SULF2: variants seen among roughly 807,000 people sequenced by gnomAD.
The protein encoded by SULF2 is extracellular sulfatase Sulf-2.
In SULF2, 52 loss-of-function variants were observed where a neutral mutation model predicts 107.7. The ratio of observed to expected loss-of-function variants is 0.48; its 90% confidence interval spans 0.39 to 0.61. The LOEUF is 0.61. SULF2 is among the 20% of genes least tolerant of loss of function. SULF2 has a pLI of 0.00. For missense variants in SULF2, 993 were observed against 1,177.3 expected, an observed-to-expected ratio of 0.84 and a Z score of 2.29; for synonymous variants, 460 against 464.3, an observed-to-expected ratio of 0.99 and a Z score of 0.12.
intron 3 of SULF2, among the ~76,000 whole-genome samples, chr20:47,714,088 T>C (rs1209315239): frequency 1.3e-5 from 2 of 152,170 alleles, no homozygotes; most frequent in African/African-American, 2.4e-5. Context: ...CGGCGAAAGA[T>C]GAAGCAGAAG....
chr20:47,785,825 G>A (rs2090923208), upstream of SULF2: 3 of 151,474 alleles, frequency 2.0e-5, no homozygotes, highest in Non-Finnish European at 4.4e-5. Flanking sequence ...CCGCGCGCTA[G>A]CGCTTTTACC....
In SULF2 at chr20:47,736,786, T is replaced by A. The variant is rs767432105; in HGVS notation, c.332A>T (p.Glu111Val). ...CTGCCAGGAGGGCGAGGAGCAGTTC[T>A]CATTGTTGGTGTAGGTGTTGTGGTT... Reference protein sequence around the residue: ...VHNHNTYTNNENCSSPSWQAQ... With the variant: ...VHNHNTYTNNVNCSSPSWQAQ... Residue 111 changes from glutamate to valine, a missense_variant, in exon 3 of 21, where the codon GAG becomes GTG. Physicochemically the swap from Glu to Val is moderately radical, Grantham distance 121. Coordinates refer to ENST00000688720, the MANE Select transcript of SULF2 (RefSeq NM_001387048.1). The A allele has an allele frequency of 1.9e-6, 3 of 1,614,262 alleles. No individual in the cohort carries two copies. In the South Asian group the frequency reaches 3.3e-5, roughly 18 times the overall value.
chr20:47,662,979 T>C, intron 17 of SULF2, 91 bp downstream of exon 17: 1 of 1,460,654 alleles, frequency 6.8e-7, no homozygotes, highest in South Asian at 1.2e-5. Flanking sequence ...ACTTGGACAA[T>C]TTGTCATCAC....
Position 47,665,220 on chromosome 20 carries a change from T to A in SULF2, c.1976A>T (p.Glu659Val). 6.2e-7 allele frequency: 1 copy of A among 1,614,040 alleles called. No individual in the cohort carries two copies. The highest frequency in any genetic ancestry group is 8.5e-7 in the Non-Finnish European group (1 of 1,179,874). Residue 659 changes from glutamate (E) to valine (V), a missense_variant, in exon 14 of 21, where the codon GAA becomes GTA. Around this residue, in one of 3 missense-constraint regions of SULF2, gnomAD observed 497 missense variants for 544.1 expected, o/e 0.91. Transcript: ENST00000688720. ...RGHLKKKRPE[E>V]CDCHKISYHT... ...TCACCTGATTTTGTGACAGTCACAT[T>A]CTTCTGGCCGCTTTTTCTTCAGGTG...
chr20:47,745,817 A>T (rs2090022244), intron 2 of SULF2, among the ~76,000 whole-genome samples: 1 of 152,100 alleles, frequency 6.6e-6, no homozygotes, highest in Non-Finnish European at 1.5e-5. Context: ...GGAGTGAGCC[A>T]CTGTGCCCGG....
At chr20:47,672,803 C>T (rs926841173) in intron 10 of SULF2, among the ~76,000 whole-genome samples, 3 of 152,154 alleles carry the variant, frequency 2.0e-5, no homozygotes, top group Non-Finnish European at 4.4e-5. Context: ...GCAATCTGGC[C>T]CTGGCCTACC....
At chr20:47,681,413 A>G (rs1336065328) in intron 7 of SULF2, among the ~76,000 whole-genome samples, 1 of 152,146 alleles carries the variant, frequency 6.6e-6, no homozygotes, top group East Asian at 1.9e-4. Flanking sequence ...TTTGGGCCCT[A>G]TGAGTCAGAT....
intron 4 of SULF2, among the ~76,000 whole-genome samples, chr20:47,702,200 G>A (rs953201232): frequency 1.3e-5 from 2 of 152,118 alleles, no homozygotes; most frequent in African/African-American, 4.8e-5. Context: ...TGGGTCCACA[G>A]GCATGTGCCA....
intron 4 of SULF2, among the ~76,000 whole-genome samples, chr20:47,692,225 C>T (rs1376911324): frequency 6.6e-6 from 1 of 152,192 alleles, no homozygotes; most frequent in Non-Finnish European, 1.5e-5. Context: ...TCTACAGCTT[C>T]CACCCTGAAG....
chr20:47,660,201 T>G (rs1274270997), intron 18 of SULF2, among the ~76,000 whole-genome samples: 1 of 152,186 alleles, frequency 6.6e-6, no homozygotes, highest in Non-Finnish European at 1.5e-5. Context: ...AGGATAAGAT[T>G]CACCTCAAAG....
Position 47,785,445 on chromosome 20 carries a change from T to C in SULF2, c.-203A>G, listed in dbSNP as rs181363441. On this transcript the variant is annotated 5_prime_UTR_variant, in exon 1 of 21. Coordinates refer to ENST00000688720, the MANE Select transcript of SULF2 (RefSeq NM_001387048.1). ...GGCGCAGGGGACTCCGCGCCGCCGCTGCCGCTGCCGCCGCCGCCGCCGCCG... is the reference window on the plus strand; with the variant it reads ...GGCGCAGGGGACTCCGCGCCGCCGCCGCCGCTGCCGCCGCCGCCGCCGCCG... 0.11 allele frequency: 16,586 copies of C among 147,502 alleles called. 1,390 individuals are homozygous for C. The highest frequency in any genetic ancestry group is 0.5 in the East Asian group (2,580 of 5,138). The allele number at this position is 147,502 out of a possible 1,614,324, so 9.1% of individuals were successfully genotyped here.
chr20:47,738,410 C>T (rs922139148), intron 2 of SULF2, among the ~76,000 whole-genome samples: 6 of 152,168 alleles, frequency 3.9e-5, no homozygotes, highest in Non-Finnish European at 5.9e-5. Context: ...GTGGGTTGAA[C>T]GGTGCCCCCG....
intron 1 of SULF2, among the ~76,000 whole-genome samples, chr20:47,771,179 G>A (rs998393991): frequency 5.9e-5 from 9 of 152,156 alleles, no homozygotes; most frequent in South Asian, 2.1e-4. Context: ...GGGGCTGGGC[G>A]TTTGTGCTCA....
chr20:47,658,415 C>T (rs2086962252), intron 20 of SULF2, 23 bp from the exon 21 acceptor site: 1 of 1,613,556 alleles, frequency 6.2e-7, no homozygotes, highest in South Asian at 1.1e-5. Flanking sequence ...ACAAACTCAT[C>T]TTAGCACTTA....
Position 47,677,061 on chromosome 20 carries a change from C to T in SULF2, c.1250+17G>A, listed in dbSNP as rs2146471654. 3 of 1,613,442 alleles carry T rather than the reference C, an allele frequency of 1.9e-6. No individual in the cohort carries two copies. Among genetic ancestry groups the T allele is most frequent in the Middle Eastern group, 1.7e-4 (1 of 6,058 alleles). The stretch of plus-strand genomic sequence containing the variant: ...GGGAGGTGGGCAGGGGTGTCCCTCC[C>T]AGGACCCGGCACTCACCCTCTCTCC... On this transcript the variant is annotated intron_variant, in intron 9 of 20. Coordinates refer to ENST00000688720, the MANE Select transcript of SULF2 (RefSeq NM_001387048.1).
intron 2 of SULF2, among the ~76,000 whole-genome samples, chr20:47,753,407 C>G (rs1352830988): frequency 6.6e-6 from 1 of 152,200 alleles, no homozygotes; most frequent in Non-Finnish European, 1.5e-5. Flanking sequence ...CTGATGAGGC[C>G]AAGAAGAAAG....
chr20:47,772,486 C>T (rs913504308), intron 1 of SULF2, among the ~76,000 whole-genome samples: 4 of 152,220 alleles, frequency 2.6e-5, no homozygotes, highest in African/African-American at 4.8e-5. Flanking sequence ...AAGGCCTCTG[C>T]GCTTCCCCTT....
chr20:47,745,402 A>G (rs866418667), intron 2 of SULF2, among the ~76,000 whole-genome samples: 1,523 of 26,846 alleles, frequency 0.057, 160 homozygotes, highest in African/African-American at 0.28. Context: ...AAAAAAAAAA[A>G]AAAAAAAAAT....
intron 19 of SULF2, 24 bp from the exon 20 acceptor site, chr20:47,659,476 G>C (rs1028861314): frequency 1.2e-6 from 2 of 1,612,726 alleles, no homozygotes; most frequent in Non-Finnish European, 1.7e-6. Context: ...TGTCAAAGGA[G>C]AATGAATGTT....
Sources: gnomAD v4.1 joint callset for allele counts (sites outside exome capture counted in the v4.1 genomes callset) on GRCh38, gnomAD v4.1.1 for gene constraint, gnomAD v4.1.1 regional missense constraint, MANE v1.5 for transcripts, NCBI Gene and HGNC (gene_info 2026-07-23, HGNC 2026-07-21) for gene names.